Variants in ACACB observed in about 807,000 individuals in gnomAD.
The protein encoded by ACACB is acetyl-CoA carboxylase beta.
A neutral mutation model predicts 278.8 loss-of-function variants in ACACB; 209 were observed. That is an observed-to-expected ratio of 0.75 (90% CI 0.67 to 0.84). ACACB has a LOEUF of 0.84. ACACB is among the 40% of genes least tolerant of loss of function. The pLI, the probability that ACACB is intolerant of heterozygous loss-of-function variation, is 0.00. For synonymous variants in ACACB, 1,174 were observed against 1,285.6 expected, an observed-to-expected ratio of 0.91 and a Z score of 1.86; for missense variants, 2,850 against 3,269.0, an observed-to-expected ratio of 0.87 and a Z score of 3.13.
chr12:109,208,882 A>T (rs895101437), intron 20 of ACACB, among the ~76,000 whole-genome samples: 2 of 152,210 alleles, frequency 1.3e-5, no homozygotes, highest in African/African-American at 4.8e-5. Context: ...TCCTATAAAC[A>T]TCAGCTCATC....
intron 2 of ACACB, among the ~76,000 whole-genome samples, chr12:109,149,951 C>T (rs1332457617): frequency 2.0e-5 from 3 of 152,210 alleles, no homozygotes; most frequent in Non-Finnish European, 4.4e-5. Context: ...GCTTCTCCAC[C>T]TAGCCATCAT....
At chr12:109,171,691 A>G (rs1221801680) in intron 4 of ACACB, 114 bp from the exon 5 acceptor site, 4 of 779,970 alleles carry the variant, frequency 5.1e-6, no homozygotes, top group Non-Finnish European at 8.5e-6. Flanking sequence ...TTGTTACCAT[A>G]GAAATCTGCA....
intron 1 of ACACB, among the ~76,000 whole-genome samples, chr12:109,133,254 CT>C (rs1449120355): frequency 6.6e-6 from 1 of 151,986 alleles, no homozygotes; most frequent in Non-Finnish European, 1.5e-5. Flanking sequence ...CTCTCTCTCT[CT>C]CTCTCTCTCT....
At chr12:109,234,648 C>A in intron 31 of ACACB, among the ~76,000 whole-genome samples, 1 of 152,022 alleles carries the variant, frequency 6.6e-6, no homozygotes, top group Non-Finnish European at 1.5e-5. Context: ...ATGTCCTTTG[C>A]GGGGACATGG....
At chr12:109,223,510 C>G (rs2046234329) in intron 26 of ACACB, among the ~76,000 whole-genome samples, 1 of 152,144 alleles carries the variant, frequency 6.6e-6, no homozygotes, top group African/African-American at 2.4e-5. Context: ...GTAATCCCAG[C>G]ACTCGGGAGG....
rs139089787 is a variant in ACACB at position 109,254,252 on chromosome 12, C to T, written c.6084C>T (p.Asp2028=). The stretch of plus-strand genomic sequence containing the variant: ...CTGTCCCTATCATCACACCCACTGA[C>T]CCCATTGACAGAGAAATTGAATTCC... The part of the protein sequence containing the change: ...HSPVPIITPT[D]PIDREIEFLP... The change falls in exon 44 of 53, where the codon GAC becomes GAT. Residue 2028 remains aspartate (D), a synonymous_variant. Coordinates refer to ENST00000338432, the MANE Select transcript of ACACB (RefSeq NM_001093.4). 7.4e-5 allele frequency: 120 copies of T among 1,613,702 alleles called. No individual in the cohort carries two copies. The African/African-American group carries it at 1.4e-3, about 18-fold the overall frequency.
At chr12:109,131,049 T>C (rs2042812227) in intron 1 of ACACB, among the ~76,000 whole-genome samples, 1 of 152,094 alleles carries the variant, frequency 6.6e-6, no homozygotes, top group East Asian at 1.9e-4. Context: ...AAGAGGGCAA[T>C]TGCATGAGCA....
At chr12:109,122,777 G>A (rs2042581233) in intron 1 of ACACB, among the ~76,000 whole-genome samples, 1 of 151,932 alleles carries the variant, frequency 6.6e-6, no homozygotes, top group Non-Finnish European at 1.5e-5. Context: ...AAATAGCACA[G>A]TGGTCCCCCA....
chr12:109,235,784 G>A (rs1364133919), intron 33 of ACACB, 137 bp downstream of exon 33: 5 of 723,208 alleles, frequency 6.9e-6, no homozygotes, highest in Non-Finnish European at 1.1e-5. Context: ...GTTTGCTTGA[G>A]CTCAGGAGTT....
chr12:109,112,065 G>C (rs935577737), upstream of ACACB, among the ~76,000 whole-genome samples: 1 of 151,814 alleles, frequency 6.6e-6, no homozygotes, highest in Non-Finnish European at 1.5e-5. Context: ...TCTCTCTCCC[G>C]GTGCAGCACT....
At chr12:109,227,515 C>T (rs544807035) in intron 28 of ACACB, 26 bp downstream of exon 28, 14 of 1,601,894 alleles carry the variant, frequency 8.7e-6, no homozygotes, top group Middle Eastern at 1.7e-4. Flanking sequence ...CACCCAGGGA[C>T]GGCCTGTGTT....
chr12:109,232,696 C>T lies in ACACB; in HGVS notation c.4029C>T (p.Asn1343=). 1 of 1,614,152 alleles carries T rather than the reference C, an allele frequency of 6.2e-7. No individual in the cohort carries two copies. Among genetic ancestry groups the T allele is most frequent in the Non-Finnish European group, 8.5e-7 (1 of 1,180,014 alleles). The change falls in exon 29 of 53, where the codon AAC becomes AAT. Residue 1343 remains asparagine, a synonymous_variant. Transcript: ENST00000338432. ...TGACCGTGCCCATCAGCATCACCAA[C>T]CCTGACCTGCTGAGGCACAGCACAG... ...NRMTVPISIT[N]PDLLRHSTEL... is the part of the protein sequence containing the mutation.
At chr12:109,121,523 C>T (rs576646386) in intron 1 of ACACB, among the ~76,000 whole-genome samples, 1 of 152,264 alleles carries the variant, frequency 6.6e-6, no homozygotes, top group South Asian at 2.1e-4. Context: ...AGGAAGAGAT[C>T]AGGGAACTGT....
chr12:109,114,656 C>A (rs1274048584), upstream of ACACB, among the ~76,000 whole-genome samples: 1 of 151,068 alleles, frequency 6.6e-6, no homozygotes. Flanking sequence ...CCAACTTGGG[C>A]AACATAATGA....
chr12:109,220,193 C>T (rs377621671), intron 24 of ACACB, among the ~76,000 whole-genome samples: 47 of 152,220 alleles, frequency 3.1e-4, no homozygotes, highest in African/African-American at 1.1e-3. Flanking sequence ...TCCTGGACCT[C>T]CTTGGTGATA....
chr12:109,203,307 G>A (rs2045391774), intron 19 of ACACB, among the ~76,000 whole-genome samples: 1 of 152,194 alleles, frequency 6.6e-6, no homozygotes, highest in Non-Finnish European at 1.5e-5. Context: ...CTGTGAATAA[G>A]GCAGCTATGA....
chr12:109,161,639 G>A (rs6606696), intron 2 of ACACB, among the ~76,000 whole-genome samples: 10,521 of 151,990 alleles, frequency 0.069, 861 homozygotes, highest in African/African-American at 0.2. Flanking sequence ...GCAAAGATAT[G>A]GAATCAACCT....
chr12:109,116,982 T>G (rs1359297958), intron 1 of ACACB, among the ~76,000 whole-genome samples: 10 of 152,134 alleles, frequency 6.6e-5, no homozygotes, highest in Non-Finnish European at 1.3e-4. Flanking sequence ...ACAATTCTGT[T>G]TTTTGCCTCC....
At position 109,239,859 on chromosome 12, in the gene ACACB, G is replaced by A. The variant is rs778489550; in HGVS notation, c.4692G>A (p.Glu1564=). ...KEASFEYLQN[E]GERLLLEAMD... ...CCTCCTTCGAATACCTGCAGAACGA[G>A]GGTGAGCGGCTGCTCCTGGAGGCCA... Residue 1564 remains glutamate, a synonymous_variant, in exon 35 of 53, where the codon GAG becomes GAA. Transcript: ENST00000338432. 3 of 1,614,070 alleles carry A rather than the reference G, an allele frequency of 1.9e-6. No individual in the cohort carries two copies. Among genetic ancestry groups the A allele is most frequent in the Non-Finnish European group, 2.5e-6 (3 of 1,179,980 alleles).
Sources: gnomAD v4.1 joint callset for allele counts (sites outside exome capture counted in the v4.1 genomes callset) on GRCh38, gnomAD v4.1.1 for gene constraint, MANE v1.5 for transcripts, NCBI Gene and HGNC (gene_info 2026-07-23, HGNC 2026-07-21) for gene names.